Variants in DOCK10 observed in about 807,000 individuals in gnomAD.
DOCK10 encodes dedicator of cytokinesis protein 10.
A neutral mutation model predicts 280.1 loss-of-function variants in DOCK10; 145 were observed. The observed-to-expected ratio is 0.52, with a 90% CI of 0.45 to 0.59. The LOEUF (loss-of-function observed/expected upper bound fraction) is 0.59. DOCK10 is among the 20% of genes least tolerant of loss of function. DOCK10 has a pLI of 0.00. For synonymous variants in DOCK10, 915 were observed against 942.2 expected, an observed-to-expected ratio of 0.97 and a Z score of 0.53; for missense variants, 2,368 against 2,651.7, an observed-to-expected ratio of 0.89 and a Z score of 2.35.
chr2:224,972,000 C>T (rs978056601), intron 1 of DOCK10, among the ~76,000 whole-genome samples: 1 of 151,882 alleles, frequency 6.6e-6, no homozygotes, highest in African/African-American at 2.4e-5. Context: ...AATATGGCCC[C>T]TAGAAAATTC....
At chr2:224,823,364 TA>T (rs1694634412) in intron 28 of DOCK10, 136 bp downstream of exon 28, 2 of 663,604 alleles carry the variant, frequency 3.0e-6, no homozygotes, top group Non-Finnish European at 2.3e-6. Context: ...TAAAGATGTA[TA>T]AATGAAAGTT....
In DOCK10 at chr2:224,796,459, A is replaced by G. The variant is rs1218997960; in HGVS notation, c.4828-33T>C. 3.0e-6 allele frequency: 4 copies of G among 1,354,368 alleles called. No homozygotes were observed. The East Asian group carries it at 1.0e-4, about 34-fold the overall frequency. 83.9% of individuals were successfully genotyped at this position (1,354,368 alleles called of 1,614,324 possible). On this transcript the variant is annotated intron_variant, in intron 43 of 55. Coordinates refer to ENST00000258390, the MANE Select transcript of DOCK10 (RefSeq NM_014689.3). ...AGAAAAAAAATGAACTCTCAAAAACAAGACCAGAAATAGTCTTCTTAAAGA... is the reference window on the plus strand; with the variant it reads ...AGAAAAAAAATGAACTCTCAAAAACGAGACCAGAAATAGTCTTCTTAAAGA...
intron 1 of DOCK10, among the ~76,000 whole-genome samples, chr2:225,035,559 T>TG (rs1485021235): frequency 7.7e-4 from 36 of 46,946 alleles, no homozygotes; most frequent in African/African-American, 2.0e-3. Flanking sequence ...TATATATATA[T>TG]ATATATATAT....
In DOCK10 at chr2:224,778,207, T is replaced by C. The variant is rs754377406; in HGVS notation, c.5733A>G (p.Gln1911=). Residue 1911 remains glutamine, a synonymous_variant, in exon 51 of 56, where the codon CAA becomes CAG. Coordinates refer to ENST00000258390, the MANE Select transcript of DOCK10 (RefSeq NM_014689.3). ...TATCTGCATAGAGCTTGAGTAATCT[T>C]TGGGAAATCTCGGACAGACCTGTCA... is the stretch of plus-strand genomic sequence containing the variant. ...PKLTGLSEIS[Q]RLLKLYADKF... The C allele has an allele frequency of 6.2e-7, 1 of 1,612,980 alleles. No homozygotes were observed. The highest frequency in any genetic ancestry group is 1.7e-5 in the Admixed American group (1 of 59,908).
intron 4 of DOCK10, among the ~76,000 whole-genome samples, chr2:224,886,893 C>CCCCCCA (rs550630549): frequency 0.047 from 6,991 of 148,848 alleles, 229 homozygotes; most frequent in South Asian, 0.063. Flanking sequence ...CCAACACCCC[C>CCCCCCA]CCAAGTAGTA....
At chr2:224,840,171 G>A (rs1695871110) in intron 23 of DOCK10, 99 bp from the exon 24 acceptor site, 1 of 597,286 alleles carries the variant, frequency 1.7e-6, no homozygotes, top group African/African-American at 1.8e-5. Flanking sequence ...AAAACATAAG[G>A]AGAAAAACTT....
At chr2:224,919,069 GGT>G (rs749875061) in intron 2 of DOCK10, among the ~76,000 whole-genome samples, 15 of 149,302 alleles carry the variant, frequency 1.0e-4, no homozygotes, top group East Asian at 7.9e-4. Flanking sequence ...GTGTATGTGT[GGT>G]GTGTGTGTGT....
intron 1 of DOCK10, chr2:224,982,279 C>T: frequency 2.3e-5 from 28 of 1,231,994 alleles, no homozygotes; most frequent in Non-Finnish European, 2.8e-5. Context: ...GGGATGGTTC[C>T]TCTTGGCGTC....
At chr2:224,778,048 C>T (rs1162813051) in intron 51 of DOCK10, 90 bp downstream of exon 51, 8 of 1,329,284 alleles carry the variant, frequency 6.0e-6, no homozygotes, top group African/African-American at 5.9e-5. Context: ...TACTTTGCAT[C>T]GTCAGGCAGA....
chr2:224,839,511 C>T (rs937154701), intron 24 of DOCK10, among the ~76,000 whole-genome samples: 4 of 152,180 alleles, frequency 2.6e-5, no homozygotes, highest in Non-Finnish European at 5.9e-5. Flanking sequence ...TCGTGGAATA[C>T]TACTCTGCAA....
At chr2:224,776,680 T>C (rs540731501) in intron 51 of DOCK10, among the ~76,000 whole-genome samples, 338 of 152,266 alleles carry the variant, frequency 2.2e-3, no homozygotes, top group African/African-American at 2.6e-3. Flanking sequence ...CTGTATGCCA[T>C]TGGGCACAAA....
rs533081578 is a variant in DOCK10 at position 224,928,908 on chromosome 2, A to C, written c.243+2641T>G. On this transcript the variant is annotated intron_variant, in intron 2 of 55. Transcript: ENST00000258390. ...ACACTCCTGTGACTTGCCCTTGCCT[A>C]TAGTTAGAATAAGATGCAAACGCCT... Among the ~76,000 whole-genome samples the C allele has an allele frequency of 5.3e-5, 8 of 152,280 alleles. 1 individual carries two copies. The highest frequency in any genetic ancestry group is 1.9e-4 in the African/African-American group (8 of 41,554).
Position 224,800,231 on chromosome 2 carries a change from C to T in DOCK10, c.4426G>A (p.Val1476Ile). 6.2e-7 allele frequency: 1 copy of T among 1,611,510 alleles called. No homozygotes were observed. The highest frequency in any genetic ancestry group is 1.1e-5 in the South Asian group (1 of 90,728). The change falls in exon 41 of 56, where the codon GTA (valine) becomes ATA (isoleucine). Residue 1476 changes from valine to isoleucine, a missense_variant. Around this residue, in one of 2 missense-constraint regions of DOCK10, gnomAD observed 1,159 missense variants for 1,400.8 expected, o/e 0.83. Transcript: ENST00000258390. ...GTAGCTATATTGGCCTCAGTGTCTA[C>T]ATGATGCACGATGTCTATTTCATTG... ...NSNEIDIVHH[V>I]DTEANIATEV... is the part of the protein sequence containing the mutation.
rs1232329916 is a variant in DOCK10, at chr2:224,805,175, T to G, written c.4051+31A>C. The G allele has an allele frequency of 3.4e-5, 55 of 1,600,330 alleles. No homozygotes were observed. Among genetic ancestry groups the G allele is most frequent in the Non-Finnish European group, 4.5e-5 (53 of 1,176,016 alleles). On this transcript the variant is annotated intron_variant, in intron 36 of 55. Transcript: ENST00000258390. This position sits in a 1 kb window ranked among gnomAD's most constrained non-coding sequence, Gnocchi z 4.3. ...AGAATCTGAAGGTTTTCTTTTTCCT[T>G]TTTTCAAAAAAATTAAAGAATTCTC...
intron 3 of DOCK10, among the ~76,000 whole-genome samples, chr2:224,916,241 C>G (rs1030509458): frequency 6.6e-6 from 1 of 152,200 alleles, no homozygotes. Context: ...ACTAAAAATA[C>G]AAAAATTAGC....
intron 11 of DOCK10, among the ~76,000 whole-genome samples, chr2:224,866,664 T>C (rs1308600380): frequency 6.6e-6 from 1 of 152,214 alleles, no homozygotes; most frequent in African/African-American, 2.4e-5. Context: ...TATTAGCTAG[T>C]ATTCCATCAT....
chr2:224,840,596 A>G (rs1314872479), intron 23 of DOCK10, among the ~76,000 whole-genome samples: 1 of 152,240 alleles, frequency 6.6e-6, no homozygotes, highest in Non-Finnish European at 1.5e-5. Flanking sequence ...CTGTTGTCAA[A>G]AAAGGTGAAA....
intron 31 of DOCK10, among the ~76,000 whole-genome samples, chr2:224,811,161 T>C (rs1693744051): frequency 2.0e-5 from 3 of 152,228 alleles, no homozygotes; most frequent in Admixed American, 1.3e-4. Flanking sequence ...TTCCTGACTT[T>C]TTAATGATCG....
At chr2:225,035,573 T>TAAA (rs33971093) in intron 1 of DOCK10, among the ~76,000 whole-genome samples, 3 of 44,134 alleles carry the variant, frequency 6.8e-5, no homozygotes, top group Non-Finnish European at 1.8e-4. Context: ...TATATATATA[T>TAAA]ATATATATAT....
Sources: gnomAD v4.1 joint callset for allele counts (sites outside exome capture counted in the v4.1 genomes callset) on GRCh38, gnomAD v4.1.1 for gene constraint, gnomAD v4.1.1 regional missense constraint, Gnocchi (gnomAD v3.1) non-coding constraint, MANE v1.5 for transcripts, NCBI Gene and HGNC (gene_info 2026-07-23, HGNC 2026-07-21) for gene names.